The following SMCHD1 variants were observed in gnomAD, a reference collection of about 807,000 sequenced individuals.
The protein encoded by SMCHD1 is structural maintenance of chromosomes flexible hinge domain containing 1.
SMCHD1 carries 78 observed loss-of-function variants against 254.7 expected under a neutral mutation model. The observed-to-expected ratio is 0.31, with a 90% CI of 0.26 to 0.37. The LOEUF (loss-of-function observed/expected upper bound fraction) is 0.37. Among genes scored for constraint, SMCHD1 ranks in the 10% least tolerant of loss-of-function variants. SMCHD1 has a pLI of 1.00. For synonymous variants in SMCHD1, 766 were observed against 794.9 expected (o/e 0.96, Z 0.61); for missense variants, 1,840 against 2,408.1 (o/e 0.76, Z 4.94).
chr18:2,657,290 A>C (rs913349177), intron 1 of SMCHD1, among the ~76,000 whole-genome samples: 1 of 152,234 alleles, frequency 6.6e-6, no homozygotes, highest in African/African-American at 2.4e-5. Context: ...CTGTAGTCCC[A>C]GCGTCTAGAA....
At chr18:2,791,951 C>T (rs185044529) in intron 45 of SMCHD1, among the ~76,000 whole-genome samples, 9 of 152,284 alleles carry the variant, frequency 5.9e-5, no homozygotes, top group African/African-American at 2.2e-4. Flanking sequence ...GAAGAGGAAA[C>T]AGTAGTCAGA....
Position 2,728,585 on chromosome 18 carries a change from G to A in SMCHD1, c.2902G>A (p.Val968Ile), listed in dbSNP as rs1442919042. Residue 968 changes from valine to isoleucine, a missense_variant, in exon 23 of 48, where the codon GTT becomes ATT. By Grantham distance (29) the Val-to-Ile change is conservative. This residue lies in a region of SMCHD1 where 881 missense variants were observed against 1,009.5 expected (regional missense o/e 0.87). Coordinates refer to ENST00000320876, the MANE Select transcript of SMCHD1 (RefSeq NM_015295.3). ...DNITAQPKLI[V>I]HCKFSGAPNL... ...CATAACAGCACAACCAAAATTGATTGTTCATTGTAAGGTAAGCTTATTGGA... is the reference window on the plus strand; with the variant it reads ...CATAACAGCACAACCAAAATTGATTATTCATTGTAAGGTAAGCTTATTGGA... The A allele has an allele frequency of 1.9e-6, 3 of 1,611,822 alleles. No homozygotes were observed. Among genetic ancestry groups the A allele is most frequent in the South Asian group, 1.1e-5 (1 of 90,682 alleles).
In SMCHD1 at chr18:2,743,772, G is replaced by T. The variant is rs964865705; in HGVS notation, c.3645G>T (p.Gln1215His). 12 of 1,608,308 alleles carry T rather than the reference G, an allele frequency of 7.5e-6. No homozygotes were observed. Among genetic ancestry groups the T allele is most frequent in the Admixed American group, 6.8e-5 (4 of 59,110 alleles). Residue 1215 changes from glutamine (Q) to histidine (H), a missense_variant, in exon 29 of 48, where the codon CAG becomes CAT. Physicochemically the swap from Gln to His is conservative, Grantham distance 24. This residue lies in a region of SMCHD1 where 881 missense variants were observed against 1,009.5 expected (regional missense o/e 0.87). Coordinates refer to ENST00000320876, the MANE Select transcript of SMCHD1 (RefSeq NM_015295.3). ...CTTTTCCTCACTAGGAAAACACACA[G>T]AGTATAAGTGTAAGAGGCATCAAAT... is the stretch of plus-strand genomic sequence containing the variant. The part of the protein sequence containing the change: ...NLKTTFQENT[Q>H]SISVRGIKFI...
chr18:2,758,391 A>G (rs999186034), intron 34 of SMCHD1, among the ~76,000 whole-genome samples: 7 of 152,276 alleles, frequency 4.6e-5, no homozygotes, highest in South Asian at 4.1e-4. Context: ...TAAGCAGTGC[A>G]TGGATCTTAG....
At position 2,688,625 on chromosome 18, in the gene SMCHD1, C is replaced by A; in HGVS notation, c.754-3C>A. ...AAAAAGTACTCTTTTTAATATTTAA[C>A]AGATGATAAGCAAACCTGCAGATTC... On this transcript the variant is annotated splice_region_variant and splice_polypyrimidine_tract_variant and intron_variant, in intron 6 of 47. Transcript: ENST00000320876. The A allele has an allele frequency of 6.4e-7, 1 of 1,560,470 alleles. No homozygotes were observed.
At chr18:2,697,716 ATTG>A (rs1217519809) in intron 9 of SMCHD1, 112 bp from the exon 10 acceptor site, 4 of 692,528 alleles carry the variant, frequency 5.8e-6, no homozygotes, top group Middle Eastern at 3.0e-4. Flanking sequence ...ATTAAGCCAG[ATTG>A]TTACTTGTAC....
At position 2,750,446 on chromosome 18, in the gene SMCHD1, C is replaced by G; in HGVS notation, c.4104C>G (p.Pro1368=). 1 of 1,611,150 alleles carries G rather than the reference C, an allele frequency of 6.2e-7. No individual in the cohort carries two copies. Among genetic ancestry groups the G allele is most frequent in the Non-Finnish European group, 8.5e-7 (1 of 1,178,420 alleles). Residue 1368 remains proline, a synonymous_variant, in exon 32 of 48, where the codon CCC becomes CCG. Coordinates refer to ENST00000320876, the MANE Select transcript of SMCHD1 (RefSeq NM_015295.3). ...TGATTCTTCCAGACCCAGAAAAACC[C>G]GTTCGTCTCAATGTTAAATATGACA... The part of the protein sequence containing the change: ...KLMILPDPEK[P]VRLNVKYDKD...
At chr18:2,675,632 G>A (rs1024215412) in intron 5 of SMCHD1, among the ~76,000 whole-genome samples, 1 of 152,108 alleles carries the variant, frequency 6.6e-6, no homozygotes. Flanking sequence ...TTTATAAAAA[G>A]CCAGGGAGAA....
chr18:2,680,004 T>C (rs2143889757), intron 5 of SMCHD1, among the ~76,000 whole-genome samples: 1 of 152,294 alleles, frequency 6.6e-6, no homozygotes, highest in Admixed American at 6.5e-5. Context: ...TTTTTCATTT[T>C]GGTTATTGTT....
At chr18:2,673,487 A>G in intron 4 of SMCHD1, 124 bp downstream of exon 4, 1 of 751,196 alleles carries the variant, frequency 1.3e-6, no homozygotes, top group Non-Finnish European at 2.0e-6. Flanking sequence ...ATATCTCTTC[A>G]TCCATTGTTA....
chr18:2,663,979 T>G lies in SMCHD1; in HGVS notation c.187-2178T>G, dbSNP rs887467961. The stretch of plus-strand genomic sequence containing the variant: ...ATCCACCCTCCTCAGCCTCCCAAAG[T>G]GCTGGGATTACAGGTTTGAGCCACC... On this transcript the variant is annotated intron_variant, in intron 1 of 47. Coordinates refer to ENST00000320876, the MANE Select transcript of SMCHD1 (RefSeq NM_015295.3). 2.0e-5 allele frequency among the ~76,000 whole-genome samples: 3 copies of G among 152,116 alleles called. No individual in the cohort carries two copies. In the East Asian group the frequency reaches 5.8e-4, roughly 29 times the overall value.
rs2076388039 is a variant in SMCHD1 at position 2,802,815 on chromosome 18, A to G, written c.*263A>G. The G allele has an allele frequency of 2.8e-6, 1 of 361,972 alleles. No individual in the cohort carries two copies. The highest frequency in any genetic ancestry group is 2.1e-5 in the African/African-American group (1 of 47,610). 22.4% of individuals were successfully genotyped at this position (361,972 alleles called of 1,614,324 possible). On this transcript the variant is annotated 3_prime_UTR_variant, in exon 48 of 48. Coordinates refer to ENST00000320876, the MANE Select transcript of SMCHD1 (RefSeq NM_015295.3). ...TGTCACTACCTTGCAAATGTGTAAG[A>G]GGAAAATGTGCTAATGTGGCAGTGA...
chr18:2,754,094 C>T (rs1250563232), intron 34 of SMCHD1, among the ~76,000 whole-genome samples: 2 of 152,112 alleles, frequency 1.3e-5, no homozygotes, highest in Non-Finnish European at 2.9e-5. Context: ...GTTTAGACAT[C>T]TTTGCCTATC....
intron 17 of SMCHD1, among the ~76,000 whole-genome samples, chr18:2,713,477 C>T (rs2074724874): frequency 6.6e-6 from 1 of 151,992 alleles, no homozygotes; most frequent in Non-Finnish European, 1.5e-5. Flanking sequence ...CTTTAAGATA[C>T]ATCATAAACT....
intron 5 of SMCHD1, among the ~76,000 whole-genome samples, chr18:2,681,150 C>CG (rs1385839114): frequency 6.6e-6 from 1 of 151,862 alleles, no homozygotes; most frequent in Non-Finnish European, 1.5e-5. Flanking sequence ...TGGTGGCTCA[C>CG]GCGTGTAATC....
chr18:2,749,864 T>A (rs1220329802), intron 30 of SMCHD1, among the ~76,000 whole-genome samples, 179 bp from the exon 31 acceptor site: 3 of 152,206 alleles, frequency 2.0e-5, no homozygotes, highest in Admixed American at 2.0e-4. Context: ...TACTTTGGAT[T>A]ATATCATTAC....
Position 2,674,148 on chromosome 18 carries a change from T to C in SMCHD1, c.638+3T>C. On this transcript the variant is annotated splice_donor_region_variant and intron_variant, in intron 5 of 47. Coordinates refer to ENST00000320876, the MANE Select transcript of SMCHD1 (RefSeq NM_015295.3). ...ACAAGGCAAGGTGACTTTGAAAGGT[T>C]AGAAAACCTTACTTTTTTTTTTTTG... 6.4e-7 allele frequency: 1 copy of C among 1,565,624 alleles called. No homozygotes were observed. The highest frequency in any genetic ancestry group is 8.6e-7 in the Non-Finnish European group (1 of 1,161,728).
chr18:2,666,348 G>T, intron 2 of SMCHD1, 116 bp downstream of exon 2: 1 of 551,558 alleles, frequency 1.8e-6, no homozygotes, highest in South Asian at 2.8e-5. Flanking sequence ...TTGTTAATTT[G>T]TTGGGATGAG....
At chr18:2,713,886 C>T (rs1309525641) in intron 17 of SMCHD1, among the ~76,000 whole-genome samples, 1 of 152,134 alleles carries the variant, frequency 6.6e-6, no homozygotes. Flanking sequence ...TGTTTTGTGG[C>T]CTAATGTATG....
Sources: allele counts gnomAD v4.1 joint callset (sites outside exome capture counted in the v4.1 genomes callset), GRCh38; gene constraint gnomAD v4.1.1; regional missense constraint gnomAD v4.1.1; transcripts MANE v1.5; gene names NCBI Gene and HGNC (gene_info 2026-07-23, HGNC 2026-07-21).